COLEC11: variants seen among roughly 807,000 people sequenced by gnomAD.
COLEC11 encodes collectin subfamily member 11, also known as collectin-11.
A neutral mutation model predicts 27.3 loss-of-function variants in COLEC11; 20 were observed. That is an observed-to-expected ratio of 0.73 (90% confidence interval 0.51 to 1.06). COLEC11 has a LOEUF of 1.06. COLEC11 is among the 50% of genes least tolerant of loss of function. The probability of loss-of-function intolerance (pLI) is 0.00; values close to 1 mark genes in which losing one functional copy is unlikely to be tolerated. For synonymous variants in COLEC11, 163 were observed against 154.7 expected, an observed-to-expected ratio of 1.05 and a Z score of -0.40; for missense variants, 310 against 383.0, an observed-to-expected ratio of 0.81 and a Z score of 1.59.
At chr2:3,608,573 G>A (rs1238881686) in intron 2 of COLEC11, among the ~76,000 whole-genome samples, 4 of 152,126 alleles carry the variant, frequency 2.6e-5, no homozygotes, top group African/African-American at 4.8e-5. Flanking sequence ...CTGTGATCCC[G>A]GCACTTTGGG....
chr2:3,623,539 G>A (rs1304029348), intron 3 of COLEC11, among the ~76,000 whole-genome samples: 1 of 151,546 alleles, frequency 6.6e-6, no homozygotes, highest in African/African-American at 2.4e-5. Context: ...CTGTCATCAA[G>A]CTCACATATT....
At chr2:3,641,201 A>G (rs1269759894) in intron 5 of COLEC11, 16 of 1,300,486 alleles carry the variant, frequency 1.2e-5, no homozygotes, top group Non-Finnish European at 1.6e-5. Context: ...GAGAAAAGAG[A>G]GGGGCTGGAT....
intron 3 of COLEC11, among the ~76,000 whole-genome samples, chr2:3,621,960 C>T (rs1354949701): frequency 6.6e-6 from 1 of 151,956 alleles, no homozygotes; most frequent in South Asian, 2.1e-4. Context: ...GGGTGGATCA[C>T]GAGGTCAGGA....
intron 3 of COLEC11, 36 bp downstream of exon 3, chr2:3,613,418 A>C: frequency 6.4e-7 from 1 of 1,555,544 alleles, no homozygotes; most frequent in South Asian, 1.2e-5. Flanking sequence ...CAGAGCTCTG[A>C]GGATGGAGGC....
chr2:3,625,947 A>G (rs1453543705), intron 3 of COLEC11: 1 of 1,458,614 alleles, frequency 6.9e-7, no homozygotes, highest in Non-Finnish European at 9.6e-7. Context: ...TTGCAAAGTT[A>G]TTTAACATCT....
At position 3,637,321 on chromosome 2, in the gene COLEC11, G is replaced by A. The variant is rs866391956; in HGVS notation, c.203-212G>A. On this transcript the variant is annotated intron_variant, in intron 3 of 6. Transcript: ENST00000349077. ...AGTGTGTATGACTTCTGGGGGAAGT[G>A]CATCTTCCTTTGGAAGCTGTATCAA... 5.3e-5 allele frequency among the ~76,000 whole-genome samples: 8 copies of A among 152,194 alleles called. No homozygotes were observed. The South Asian group carries it at 1.7e-3, about 31-fold the overall frequency.
intron 3 of COLEC11, among the ~76,000 whole-genome samples, chr2:3,624,476 A>G (rs758480318): frequency 3.3e-5 from 5 of 152,162 alleles, no homozygotes; most frequent in South Asian, 2.1e-4. Context: ...AGGTGAGACA[A>G]GAAAGAAGCA....
chr2:3,639,994 C>T (rs1442009251), intron 4 of COLEC11, among the ~76,000 whole-genome samples: 2 of 152,094 alleles, frequency 1.3e-5, no homozygotes, highest in Admixed American at 6.5e-5. Context: ...ATTCATGAGG[C>T]GATGTCTGCA....
intron 5 of COLEC11, chr2:3,641,259 A>T (rs1373301803): frequency 7.7e-7 from 1 of 1,304,162 alleles, no homozygotes; most frequent in Non-Finnish European, 1.0e-6. Flanking sequence ...CACCGCAGAG[A>T]TGAGGAGGAA....
chr2:3,639,216 A>G (rs143553474), intron 4 of COLEC11, among the ~76,000 whole-genome samples: 15 of 152,316 alleles, frequency 9.8e-5, no homozygotes, highest in Admixed American at 2.0e-4. Flanking sequence ...CGATGGACAC[A>G]TGGGTTCTTT....
rs571468873 is a variant in COLEC11 at position 3,602,891 on chromosome 2, C to T, written c.-26-1424C>T. 6.6e-6 allele frequency among the ~76,000 whole-genome samples: 1 copy of T among 152,238 alleles called. No homozygotes were observed. Among genetic ancestry groups the T allele is most frequent in the Non-Finnish European group, 1.5e-5 (1 of 68,042 alleles). ...CCCGGCCACTGGACTCTGCCTCACT[C>T]TTCCCCACGGCGCTTACCCCTGCCT... On this transcript the variant is annotated intron_variant, in intron 1 of 6. Transcript: ENST00000349077. The surrounding 1 kb of genome is among the most constrained non-coding windows in gnomAD (Gnocchi z 6.2).
In COLEC11 at chr2:3,641,271, G is replaced by A. The variant is rs144276483; in HGVS notation, c.328+940G>A. 6.8e-3 allele frequency: 8,859 copies of A among 1,304,212 alleles called. 177 individuals carry two copies. Among genetic ancestry groups the A allele is most frequent in the Middle Eastern group, 0.055 (254 of 4,598 alleles). 80.8% of individuals were successfully genotyped at this position (1,304,212 alleles called of 1,614,324 possible). A position where few individuals can be genotyped will look rare whatever the true frequency, so the allele number is the denominator to read the frequency against. ...CGGCACCGCAGAGATGAGGAGGAAC[G>A]GCTGCTTGGAAGGTGTGCTTGCCGG... is the stretch of plus-strand genomic sequence containing the variant. On this transcript the variant is annotated intron_variant, in intron 5 of 6. Coordinates refer to ENST00000349077, the MANE Select transcript of COLEC11 (RefSeq NM_024027.5).
intron 3 of COLEC11, chr2:3,625,902 G>A: frequency 2.0e-6 from 2 of 1,009,014 alleles, no homozygotes; most frequent in Non-Finnish European, 3.1e-6. Context: ...CAAAGTGCCG[G>A]GATTATAGGC....
chr2:3,633,628 TGACC>T (rs1665173527), intron 3 of COLEC11, among the ~76,000 whole-genome samples: 1 of 152,148 alleles, frequency 6.6e-6, no homozygotes, highest in Non-Finnish European at 1.5e-5. Flanking sequence ...GGACCACAGC[TGACC>T]GACGGGGGAG....
intron 3 of COLEC11, among the ~76,000 whole-genome samples, chr2:3,629,747 A>G (rs767184117): frequency 9.9e-5 from 15 of 152,166 alleles, no homozygotes; most frequent in Non-Finnish European, 2.1e-4. Context: ...CTGTTTTGAG[A>G]TAACAAAGCC....
In COLEC11 at chr2:3,625,480, CAG is replaced by C. The variant is rs546182352; in HGVS notation, c.203-12052_203-12051del. ...ATTCAGGGTTTCTGAAATCTGGAGACAGGGAGGGCTAGGAGTCCATAAAGGGA... is the reference window on the plus strand; with the variant it reads ...ATTCAGGGTTTCTGAAATCTGGAGACGGAGGGCTAGGAGTCCATAAAGGGA... On this transcript the variant is annotated intron_variant, in intron 3 of 6. Transcript: ENST00000349077. 4.3e-3 allele frequency among the ~76,000 whole-genome samples: 657 copies of C among 152,102 alleles called. 4 individuals are homozygous for C. The highest frequency in any genetic ancestry group is 0.015 in the African/African-American group (623 of 41,498).
intron 5 of COLEC11, among the ~76,000 whole-genome samples, chr2:3,641,812 T>C (rs933002336): frequency 1.3e-5 from 2 of 152,134 alleles, no homozygotes; most frequent in Non-Finnish European, 2.9e-5. Context: ...CTACAGGATA[T>C]GCCAGACTGC....
intron 3 of COLEC11, among the ~76,000 whole-genome samples, chr2:3,636,567 G>A (rs575391000): frequency 2.0e-5 from 3 of 152,328 alleles, no homozygotes; most frequent in South Asian, 2.1e-4. Flanking sequence ...TGATCATGAA[G>A]TCCTAATAGT....
intron 3 of COLEC11, among the ~76,000 whole-genome samples, chr2:3,630,288 A>G (rs1319043456): frequency 2.6e-5 from 4 of 152,232 alleles, no homozygotes; most frequent in Non-Finnish European, 5.9e-5. Context: ...GTATATGTGC[A>G]TATGTCTGTA....
Sources: allele counts gnomAD v4.1 joint callset (sites outside exome capture counted in the v4.1 genomes callset), GRCh38; gene constraint gnomAD v4.1.1; non-coding constraint Gnocchi (gnomAD v3.1); transcripts MANE v1.5; gene names NCBI Gene and HGNC (gene_info 2026-07-23, HGNC 2026-07-21).